Variants in GSR observed in about 807,000 individuals in gnomAD.
GSR encodes the protein glutathione reductase, mitochondrial.
In GSR, 48 loss-of-function variants were observed where a neutral mutation model predicts 56.5. The ratio of observed to expected loss-of-function variants is 0.85; its 90% CI spans 0.67 to 1.08. The LOEUF (loss-of-function observed/expected upper bound fraction) is 1.08, where lower values mean the gene tolerates loss of function less well. GSR is among the 50% of genes least tolerant of loss of function. GSR has a pLI of 0.00. For synonymous variants in GSR, 264 were observed against 270.8 expected (o/e 0.97, Z 0.25); for missense variants, 694 against 703.3 (o/e 0.99, Z 0.15).
At chr8:30,692,763 A>T (rs1803430654) in intron 8 of GSR, among the ~76,000 whole-genome samples, 1 of 151,954 alleles carries the variant, frequency 6.6e-6, no homozygotes, top group South Asian at 2.1e-4. Flanking sequence ...CAGCCTCCCA[A>T]AGTGCTGGGA....
chr8:30,708,528 A>G (rs897765808), intron 3 of GSR, among the ~76,000 whole-genome samples: 5 of 152,258 alleles, frequency 3.3e-5, no homozygotes, highest in Non-Finnish European at 7.3e-5. Flanking sequence ...GCAGTTCCTT[A>G]AATAGTTAAA....
At chr8:30,715,155 T>A (rs1239053378) in intron 1 of GSR, among the ~76,000 whole-genome samples, 1 of 152,036 alleles carries the variant, frequency 6.6e-6, no homozygotes, top group East Asian at 1.9e-4. Context: ...TAGTTGGGTT[T>A]GGTGGTGCAT....
chr8:30,693,137 C>A, intron 7 of GSR, 82 bp from the exon 8 acceptor site: 1 of 819,206 alleles, frequency 1.2e-6, no homozygotes, highest in Non-Finnish European at 2.1e-6. Context: ...AGGGAAACTT[C>A]AGCATTATCT....
chr8:30,716,915 CA>C (rs1464758351), intron 1 of GSR, among the ~76,000 whole-genome samples: 10 of 152,168 alleles, frequency 6.6e-5, no homozygotes, highest in East Asian at 5.8e-4. Flanking sequence ...TCTTTCCCCC[CA>C]AATTTTTTTT....
chr8:30,712,833 C>T (rs1260213206), intron 1 of GSR, among the ~76,000 whole-genome samples: 3 of 152,188 alleles, frequency 2.0e-5, no homozygotes, highest in Non-Finnish European at 4.4e-5. Context: ...AATATTAGAT[C>T]TCATAAAATG....
At chr8:30,686,768 A>G (rs894510474) in intron 9 of GSR, among the ~76,000 whole-genome samples, 3 of 151,968 alleles carry the variant, frequency 2.0e-5, no homozygotes, top group Non-Finnish European at 2.9e-5. Context: ...CAATGGCAAA[A>G]TATCTCTTGA....
rs561135747 is a variant in GSR at position 30,712,607 on chromosome 8, AAGGCTGCAGTAAGCCATG to A, written c.307-537_307-520del. ...GGGGACCCTTTGAGCCTGGAAAGAC[AAGGCTGCAGTAAGCCATG>A]ATCATGATCATGCCACTGCACTCCA... On this transcript the variant is annotated intron_variant, in intron 1 of 12. Coordinates refer to ENST00000221130, the MANE Select transcript of GSR (RefSeq NM_000637.5). Among the ~76,000 whole-genome samples the A allele has an allele frequency of 1.8e-3, 267 of 152,226 alleles. 1 individual carries two copies. The highest frequency in any genetic ancestry group is 6.2e-3 in the African/African-American group (258 of 41,530).
At chr8:30,687,324 A>G (rs1276950691) in intron 9 of GSR, among the ~76,000 whole-genome samples, 1 of 152,132 alleles carries the variant, frequency 6.6e-6, no homozygotes, top group Non-Finnish European at 1.5e-5. Context: ...GTCAAAAGGT[A>G]TACACTGCTC....
chr8:30,710,714 C>CAAAAAAAAAAAAAAAAAA (rs60532553), intron 2 of GSR, among the ~76,000 whole-genome samples: 3 of 51,044 alleles, frequency 5.9e-5, no homozygotes, highest in Non-Finnish European at 7.5e-5. Flanking sequence ...GACTCTGTCT[C>CAAAAAAAAAAAAAAAAAA]AAAAAAAAAA....
chr8:30,725,585 T>G (rs1422250262), intron 1 of GSR, among the ~76,000 whole-genome samples: 1 of 146,330 alleles, frequency 6.8e-6, no homozygotes. Flanking sequence ...AAATACATTT[T>G]AAAAATAAAA....
At chr8:30,717,294 C>T (rs1259514665) in intron 1 of GSR, among the ~76,000 whole-genome samples, 2 of 152,130 alleles carry the variant, frequency 1.3e-5, no homozygotes, top group Non-Finnish European at 2.9e-5. Context: ...TACTATGTTG[C>T]GCAGGCTGGT....
Position 30,679,386 on chromosome 8 carries a change from A to C in GSR, c.*134T>G, listed in dbSNP as rs1374950640. ...CATAAATAAGTTCTATTATGTACTA[A>C]AAATTTCCACTATCAGAAGATCCTG... On this transcript the variant is annotated 3_prime_UTR_variant, in exon 13 of 13. Transcript: ENST00000221130. 2.3e-6 allele frequency: 2 copies of C among 873,832 alleles called. No homozygotes were observed. The highest frequency in any genetic ancestry group is 3.3e-5 in the African/African-American group (2 of 59,912). The allele number at this position is 873,832 out of a possible 1,614,324, so 54.1% of individuals were successfully genotyped here. A position where few individuals can be genotyped will look rare whatever the true frequency, so the allele number is the denominator to read the frequency against.
At chr8:30,719,831 A>T (rs1804467980) in intron 1 of GSR, among the ~76,000 whole-genome samples, 1 of 152,178 alleles carries the variant, frequency 6.6e-6, no homozygotes, top group Non-Finnish European at 1.5e-5. Context: ...CTAGCCAGGT[A>T]GAAACTTCAC....
At chr8:30,690,054 T>C (rs1043803328) in intron 8 of GSR, among the ~76,000 whole-genome samples, 12 of 143,152 alleles carry the variant, frequency 8.4e-5, no homozygotes, top group Admixed American at 8.1e-4. Flanking sequence ...TATATAAATA[T>C]ACATATAAAT....
intron 1 of GSR, among the ~76,000 whole-genome samples, chr8:30,725,858 G>A (rs1804705245): frequency 6.8e-6 from 1 of 148,068 alleles, no homozygotes; most frequent in Admixed American, 6.7e-5. Flanking sequence ...CTCCAGCCTG[G>A]GTGACAGAGT....
chr8:30,707,854 G>A (rs1424735820), intron 4 of GSR, among the ~76,000 whole-genome samples: 1 of 152,056 alleles, frequency 6.6e-6, no homozygotes, highest in East Asian at 1.9e-4. Context: ...CTACTCAGGA[G>A]GCTGAGGCAG....
At position 30,678,607 on chromosome 8, in the gene GSR, C is replaced by T. The variant is rs1402394729; in HGVS notation, c.*913G>A. 6.6e-6 allele frequency: 1 copy of T among 151,912 alleles called. No homozygotes were observed. Among genetic ancestry groups the T allele is most frequent in the East Asian group, 1.9e-4 (1 of 5,180 alleles). 9.4% of individuals were successfully genotyped at this position (151,912 alleles called of 1,614,324 possible). ...AAACTTGTAGGCTCAAGTAATCCTC[C>T]TGCCTCGGCCTCCCAAAGTGCTAGA... On this transcript the variant is annotated 3_prime_UTR_variant, in exon 13 of 13. Coordinates refer to ENST00000221130, the MANE Select transcript of GSR (RefSeq NM_000637.5).
intron 12 of GSR, among the ~76,000 whole-genome samples, chr8:30,680,441 C>T (rs1802911313): frequency 2.4e-5 from 3 of 124,618 alleles, no homozygotes; most frequent in East Asian, 5.5e-4. Flanking sequence ...GTCTCCCAGG[C>T]TGGAGGGCAG....
At chr8:30,700,932 G>A (rs1038458642) in intron 5 of GSR, among the ~76,000 whole-genome samples, 1 of 152,038 alleles carries the variant, frequency 6.6e-6, no homozygotes, top group Non-Finnish European at 1.5e-5. Flanking sequence ...CATTCTTCCA[G>A]GTTTGACCTT....
Sources: gnomAD v4.1 joint callset for allele counts (sites outside exome capture counted in the v4.1 genomes callset) on GRCh38, gnomAD v4.1.1 for gene constraint, MANE v1.5 for transcripts, NCBI Gene and HGNC (gene_info 2026-07-23, HGNC 2026-07-21) for gene names.